Variants in PLAC1 observed in about 807,000 individuals in gnomAD.
PLAC1 encodes the protein placenta-specific protein 1.
For missense variants in PLAC1, 136 were observed against 163.2 expected, an observed-to-expected ratio of 0.83 and a Z score of 0.91; for synonymous variants, 68 against 62.1, an observed-to-expected ratio of 1.09 and a Z score of -0.44.
chrX:134,636,650 A>G (rs1195592595), intron 1 of PLAC1, among the ~76,000 whole-genome samples: 2 of 112,215 alleles, frequency 1.8e-5, no homozygotes, highest in Non-Finnish European at 3.8e-5. Flanking sequence ...TTAAAGAGAA[A>G]CTTGAATGAA....
intron 1 of PLAC1, among the ~76,000 whole-genome samples, chrX:134,611,990 G>A (rs147178701): frequency 1.0e-3 from 112 of 111,782 alleles, no homozygotes; most frequent in African/African-American, 3.3e-3. Context: ...CTCTTCAGCC[G>A]AGATGTAATT....
intron 1 of PLAC1, among the ~76,000 whole-genome samples, chrX:134,627,347 T>C (rs550992683): frequency 1.8e-5 from 2 of 112,081 alleles, no homozygotes; most frequent in South Asian, 7.5e-4. Flanking sequence ...ACACCCCTAA[T>C]TTAAAATAAT....
chrX:134,662,622 A>G (rs2078420293), upstream of PLAC1, among the ~76,000 whole-genome samples: 1 of 112,571 alleles, frequency 8.9e-6, no homozygotes, highest in Non-Finnish European at 1.9e-5. Context: ...AAAAATGACT[A>G]TGTGGCTACA....
intron 2 of PLAC1, among the ~76,000 whole-genome samples, chrX:134,674,238 C>A (rs933831089): frequency 6.2e-5 from 7 of 112,556 alleles, no homozygotes; most frequent in African/African-American, 2.3e-4. Flanking sequence ...TTCAGGATGA[C>A]ATGTTGAGGA....
chrX:134,763,828 G>A (rs201162665), intron 1 of PLAC1, among the ~76,000 whole-genome samples: 1 of 6,403 alleles, frequency 1.6e-4, no homozygotes, highest in Non-Finnish European at 3.8e-4. Flanking sequence ...AAAAAAAAAA[G>A]AAAGAAAGAA....
At position 134,566,609 on chromosome X, in the gene PLAC1, G is replaced by T; in HGVS notation, c.74C>A (p.Pro25Gln). 1 of 1,210,286 alleles carries T rather than the reference G, an allele frequency of 8.3e-7. No individual in the cohort carries two copies. Among genetic ancestry groups the T allele is most frequent in the Non-Finnish European group, 1.1e-6 (1 of 894,273 alleles). ...GTCTATGGAGCACAGCACAGTCATTGGACTTTGTCCTGAACCGGCTGAAAA... is the reference window on the plus strand; with the variant it reads ...GTCTATGGAGCACAGCACAGTCATTTGACTTTGTCCTGAACCGGCTGAAAA... ...SAFSAGSGQS[P>Q]MTVLCSIDWF... Residue 25 changes from proline to glutamine, a missense_variant, in exon 3 of 3, where the codon CCA becomes CAA. Physicochemically the swap from Pro to Gln is moderately conservative, Grantham distance 76. Coordinates refer to ENST00000359237, the MANE Select transcript of PLAC1 (RefSeq NM_021796.4).
chrX:134,609,986 T>A lies in PLAC1; in HGVS notation c.-130-7864A>T, dbSNP rs1487683564. 2.9e-4 allele frequency among the ~76,000 whole-genome samples: 13 copies of A among 45,133 alleles called. No individual in the cohort carries two copies. The East Asian group carries it at 0.067, about 234-fold the overall frequency. 39.2% of individuals were successfully genotyped at this position (45,133 alleles called of 115,157 possible). A position where few individuals can be genotyped will look rare whatever the true frequency, so the allele number is the denominator to read the frequency against. ...ACATTGTGCATCAGTGGAAGAAATT[T>A]TTTTTTTTTTTGAGACAGTCTCGCT... On this transcript the variant is annotated intron_variant, in intron 1 of 2. Transcript: ENST00000359237.
intron 1 of PLAC1, among the ~76,000 whole-genome samples, chrX:134,642,840 G>A (rs953780056): frequency 5.4e-5 from 6 of 110,523 alleles, no homozygotes; most frequent in Admixed American, 3.9e-4. Context: ...GCAAAGATTA[G>A]CAAGTTTGCT....
At chrX:134,637,295 G>A (rs1210112171) in intron 1 of PLAC1, among the ~76,000 whole-genome samples, 7 of 111,441 alleles carry the variant, frequency 6.3e-5, no homozygotes, top group Non-Finnish European at 1.3e-4. Flanking sequence ...TGGGGAAGGG[G>A]ACAGGACAGA....
Position 134,592,030 on chromosome X carries a change from T to A in PLAC1, c.-59+10021A>T, listed in dbSNP as rs534664631. Among the ~76,000 whole-genome samples, 8 of 112,276 alleles carry A rather than the reference T, an allele frequency of 7.1e-5. No homozygotes were observed. In the South Asian group the frequency reaches 2.9e-3, roughly 41 times the overall value. ...GAGTTTTTTAAAGTTCTTAACGTAT[T>A]CTAGATATGTGTCAGTTGTCAGATG... is the stretch of plus-strand genomic sequence containing the variant. On this transcript the variant is annotated intron_variant, in intron 2 of 2. Transcript: ENST00000359237.
chrX:134,762,689 G>A (rs1455347173), intron 1 of PLAC1, among the ~76,000 whole-genome samples: 6 of 107,576 alleles, frequency 5.6e-5, no homozygotes, highest in Admixed American at 4.0e-4. Context: ...TTAGCCAGGC[G>A]CAGTGGCGGG....
intron 2 of PLAC1, among the ~76,000 whole-genome samples, chrX:134,685,419 G>A (rs936168168): frequency 9.4e-6 from 1 of 105,855 alleles, no homozygotes; most frequent in Admixed American, 1.0e-4. Context: ...GAAATATATG[G>A]AATACAGCAG....
chrX:134,585,884 G>A (rs906214145), intron 2 of PLAC1, among the ~76,000 whole-genome samples: 5 of 111,793 alleles, frequency 4.5e-5, no homozygotes, highest in Non-Finnish European at 9.4e-5. Flanking sequence ...GGGGTGAAAA[G>A]AAGGACCCCT....
rs1421852404 is a variant in PLAC1 at position 134,705,148 on chromosome X, C to T, written n.174+28287G>A. 1.1e-4 allele frequency among the ~76,000 whole-genome samples: 12 copies of T among 105,095 alleles called. No homozygotes were observed. In the East Asian group the frequency reaches 2.3e-3, roughly 20 times the overall value. The allele number at this position is 105,095 out of a possible 115,157, so 91.3% of individuals were successfully genotyped here. A position where few individuals can be genotyped will look rare whatever the true frequency, so the allele number is the denominator to read the frequency against. On this transcript the variant is annotated intron_variant and non_coding_transcript_variant, in intron 2 of 2. Transcript: ENST00000466797. ...AAAATGCAAGAGAATCGGCCAGGCA[C>T]GGTGGCTCACGCCTGTAATCCCAGC... is the stretch of plus-strand genomic sequence containing the variant.
intron 2 of PLAC1, among the ~76,000 whole-genome samples, chrX:134,707,956 C>T (rs991798669): frequency 2.7e-5 from 3 of 110,752 alleles, no homozygotes; most frequent in Admixed American, 1.9e-4. Flanking sequence ...AGAGCAACCA[C>T]AAAAAAAGCT....
At chrX:134,718,107 G>A (rs1424265944) in intron 2 of PLAC1, among the ~76,000 whole-genome samples, 5 of 111,738 alleles carry the variant, frequency 4.5e-5, no homozygotes, top group East Asian at 2.8e-4. Flanking sequence ...GAGTTAAACT[G>A]GAAACACAAA....
intron 1 of PLAC1, among the ~76,000 whole-genome samples, chrX:134,616,640 CA>C (rs780602948): frequency 3.7e-5 from 4 of 108,849 alleles, no homozygotes; most frequent in South Asian, 8.1e-4. Context: ...CGTCTCAAAA[CA>C]AAAAAAACAA....
rs141736093 is a variant in PLAC1 at position 134,623,299 on chromosome X, C to T, written c.-130-21177G>A. On this transcript the variant is annotated intron_variant, in intron 1 of 2. Coordinates refer to ENST00000359237, the MANE Select transcript of PLAC1 (RefSeq NM_021796.4). ...TTGTTCTCACAAAAGTTGTCCTAGA[C>T]CACAAAGAGTCTTGGACACAAGAGG... Among the ~76,000 whole-genome samples the T allele has an allele frequency of 3.5e-3, 392 of 112,155 alleles. 1 individual carries two copies. Among genetic ancestry groups the T allele is most frequent in the African/African-American group, 0.012 (372 of 30,859 alleles).
intron 1 of PLAC1, among the ~76,000 whole-genome samples, chrX:134,749,019 A>G (rs1378483131): frequency 8.9e-6 from 1 of 112,242 alleles, no homozygotes; most frequent in Non-Finnish European, 1.9e-5. Flanking sequence ...TTAGGCTGCA[A>G]TGAAAACAAG....
Sources: allele counts gnomAD v4.1 joint callset (sites outside exome capture counted in the v4.1 genomes callset), GRCh38; gene constraint gnomAD v4.1.1; transcripts MANE v1.5; gene names NCBI Gene and HGNC (gene_info 2026-07-23, HGNC 2026-07-21).